PIK3R5: variants seen among roughly 807,000 people sequenced by gnomAD.
The protein encoded by PIK3R5 is phosphoinositide-3-kinase regulatory subunit 5.
PIK3R5 carries 32 observed loss-of-function variants against 94.9 expected under a neutral mutation model. The observed-to-expected ratio is 0.34, with a 90% CI of 0.25 to 0.45. The LOEUF is 0.45. Among genes scored for constraint, PIK3R5 ranks in the 20% least tolerant of loss-of-function variants. PIK3R5 has a pLI of 1.00. For synonymous variants in PIK3R5, 443 were observed against 479.4 expected, an observed-to-expected ratio of 0.92 and a Z score of 0.99; for missense variants, 853 against 1,144.6, an observed-to-expected ratio of 0.75 and a Z score of 3.68.
In PIK3R5 at chr17:8,881,658, T is replaced by C; in HGVS notation, c.2354A>G (p.Asn785Ser). ...LNLTEVVKRQ[N>S]SKSKKGFNQI... ...GTTAAAGCCCTTCTTGGATTTGGAG[T>C]TCTGCCTTTTCACCACTTCTGTCAG... Residue 785 changes from asparagine (N) to serine (S), a missense_variant, in exon 17 of 19, where the codon AAC (asparagine) becomes AGC (serine). Asn to Ser is a conservative substitution (Grantham distance 46). This residue lies in a region of PIK3R5 where 173 missense variants were observed against 274.1 expected (regional missense o/e 0.63). Transcript: ENST00000447110. The surrounding 1 kb of genome is among the most constrained non-coding windows in gnomAD (Gnocchi z 4.8). 1.2e-6 allele frequency: 2 copies of C among 1,613,396 alleles called. No individual in the cohort carries two copies.
intron 1 of PIK3R5, among the ~76,000 whole-genome samples, chr17:8,922,930 A>G (rs2090784650): frequency 6.6e-6 from 1 of 152,112 alleles, no homozygotes; most frequent in South Asian, 2.1e-4. Flanking sequence ...CAGAGGCAAG[A>G]CTGCCCACTT....
At chr17:8,939,488 C>G (rs1185939180) in intron 1 of PIK3R5, among the ~76,000 whole-genome samples, 1 of 152,172 alleles carries the variant, frequency 6.6e-6, no homozygotes, top group Non-Finnish European at 1.5e-5. Flanking sequence ...TTCTCATTAA[C>G]ACATGAAATA....
Position 8,892,343 on chromosome 17 carries a change from G to A in PIK3R5, c.482+1243C>T, listed in dbSNP as rs757044069. ...TTACAACCTTGTAACGAGCCCAGCC[G>A]AGCCCCTGCCCTCACCAGCTTGCAT... On this transcript the variant is annotated intron_variant, in intron 6 of 18. Transcript: ENST00000447110. This position sits in a 1 kb window ranked among gnomAD's most constrained non-coding sequence, Gnocchi z 4.3. Among the ~76,000 whole-genome samples, 5 of 152,080 alleles carry A rather than the reference G, an allele frequency of 3.3e-5. No individual in the cohort carries two copies. The highest frequency in any genetic ancestry group is 5.9e-5 in the Non-Finnish European group (4 of 68,014).
chr17:8,905,141 T>C (rs2090365842), intron 4 of PIK3R5, among the ~76,000 whole-genome samples: 1 of 152,268 alleles, frequency 6.6e-6, no homozygotes, highest in Non-Finnish European at 1.5e-5. Context: ...GGACTTGCTT[T>C]ACCCAATGCT....
Position 8,927,387 on chromosome 17 carries a change from T to C in PIK3R5, c.-13-15880A>G, listed in dbSNP as rs1005764212. On this transcript the variant is annotated intron_variant, in intron 1 of 18. Transcript: ENST00000447110. The stretch of plus-strand genomic sequence containing the variant: ...ATGAGGTTCCCCAAATCCCCTGCCA[T>C]GGCCACTGTCTGAAGAAGCCAAGTA... Among the ~76,000 whole-genome samples the C allele has an allele frequency of 4.6e-5, 7 of 152,190 alleles. No individual in the cohort carries two copies. The East Asian group carries it at 1.2e-3, about 25-fold the overall frequency.
intron 5 of PIK3R5, among the ~76,000 whole-genome samples, chr17:8,902,913 C>T (rs1463528060): frequency 1.3e-5 from 2 of 148,292 alleles, no homozygotes; most frequent in South Asian, 2.1e-4. Context: ...GGTGTGATCT[C>T]GGAGGCACTT....
At chr17:8,954,212 T>C (rs2091428763) in intron 1 of PIK3R5, among the ~76,000 whole-genome samples, 1 of 152,240 alleles carries the variant, frequency 6.6e-6, no homozygotes, top group African/African-American at 2.4e-5. Flanking sequence ...GCTACTTTTG[T>C]GAAAAATGCT....
chr17:8,904,541 C>T lies in PIK3R5; in HGVS notation c.412+236G>A, dbSNP rs948479651. The stretch of plus-strand genomic sequence containing the variant: ...TGCCCTGAGTGCCTGCTCCTACTTC[C>T]CCTAACAATCCCTCCTCGAGTTACC... On this transcript the variant is annotated intron_variant, in intron 5 of 18. Coordinates refer to ENST00000447110, the MANE Select transcript of PIK3R5 (RefSeq NM_001142633.3). This position sits in a 1 kb window ranked among gnomAD's most constrained non-coding sequence, Gnocchi z 5.1. Among the ~76,000 whole-genome samples the T allele has an allele frequency of 1.3e-5, 2 of 152,188 alleles. No individual in the cohort carries two copies. Among genetic ancestry groups the T allele is most frequent in the African/African-American group, 4.8e-5 (2 of 41,442 alleles).
chr17:8,926,122 C>T (rs2090879411), intron 1 of PIK3R5, among the ~76,000 whole-genome samples: 1 of 152,268 alleles, frequency 6.6e-6, no homozygotes, highest in Middle Eastern at 3.4e-3. Context: ...CCAAAACAAG[C>T]ATGTTTCAAG....
chr17:8,891,614 G>A (rs1009800352), intron 6 of PIK3R5, among the ~76,000 whole-genome samples: 1 of 79,416 alleles, frequency 1.3e-5, no homozygotes, highest in Middle Eastern at 8.8e-3. Context: ...TTTTTTTTTT[G>A]AGACGGAGTC....
chr17:8,957,882 C>A (rs2091490480), intron 1 of PIK3R5, among the ~76,000 whole-genome samples: 1 of 152,196 alleles, frequency 6.6e-6, no homozygotes, highest in South Asian at 2.1e-4. Context: ...GCAGCTCATT[C>A]CCCGCTCTAT....
At chr17:8,919,725 C>T (rs542929101) in intron 1 of PIK3R5, among the ~76,000 whole-genome samples, 17 of 152,244 alleles carry the variant, frequency 1.1e-4, no homozygotes, top group African/African-American at 4.1e-4. Context: ...TCTGCAAGAG[C>T]TCAAGGTTAA....
intron 1 of PIK3R5, among the ~76,000 whole-genome samples, chr17:8,924,245 A>AT (rs111503577): frequency 0.036 from 4,962 of 138,104 alleles, 126 homozygotes; most frequent in African/African-American, 0.069. Flanking sequence ...TGCCTGGCTA[A>AT]TTTTTTTTTT....
At position 8,905,751 on chromosome 17, in the gene PIK3R5, GAGA is replaced by G. The variant is rs1567647128; in HGVS notation, c.205-17_205-15del. ...CTTCTCCTGGACCTGTGGAGAGGAG[GAGA>G]AGGGGAATGAGCCTCATTCACGGGG... On this transcript the variant is annotated splice_polypyrimidine_tract_variant and intron_variant, in intron 3 of 18. Transcript: ENST00000447110. 2 of 1,583,946 alleles carry G rather than the reference GAGA, an allele frequency of 1.3e-6. No individual in the cohort carries two copies. The highest frequency in any genetic ancestry group is 2.7e-5 in the African/African-American group (2 of 74,216).
At chr17:8,939,024 C>T (rs932050311) in intron 1 of PIK3R5, among the ~76,000 whole-genome samples, 2 of 152,162 alleles carry the variant, frequency 1.3e-5, no homozygotes, top group Admixed American at 6.5e-5. Flanking sequence ...CTGGTGCCAC[C>T]GCCATCAGCT....
intron 12 of PIK3R5, 84 bp from the exon 13 acceptor site, chr17:8,886,689 G>C: frequency 9.7e-6 from 14 of 1,449,522 alleles, no homozygotes; most frequent in Non-Finnish European, 1.2e-5. Flanking sequence ...GAGGAAGAGA[G>C]AAGAGAGACA....
Position 8,887,552 on chromosome 17 carries a change from G to A in PIK3R5, c.1748C>T (p.Pro583Leu), listed in dbSNP as rs139171448. The change falls in exon 11 of 19, where the codon CCG becomes CTG. Residue 583 changes from proline to leucine, a missense_variant. Transcript: ENST00000447110. ...GCTGGCGTGCCTAGGGGAGTCTGTC[G>A]GGGGTGAGGGCGTCTGGCTCCGAGG... ...PPPRSQTPSP[P>L]TDSPRHASPG... The A allele has an allele frequency of 1.6e-4, 254 of 1,608,074 alleles. 1 individual carries two copies. In the African/African-American group the frequency reaches 2.9e-3, roughly 18 times the overall value.
Position 8,955,134 on chromosome 17 carries a change from G to A in PIK3R5, c.-14+10462C>T, listed in dbSNP as rs780881734. Reference sequence around the variant, plus strand: ...AGAAGACCAGTGATATGTCTGGAGGGTCCTTGAGGGGAGGATGACCGAACC... The same window carrying A: ...AGAAGACCAGTGATATGTCTGGAGGATCCTTGAGGGGAGGATGACCGAACC... On this transcript the variant is annotated intron_variant, in intron 1 of 18. Coordinates refer to ENST00000447110, the MANE Select transcript of PIK3R5 (RefSeq NM_001142633.3). This position sits in a 1 kb window ranked among gnomAD's most constrained non-coding sequence, Gnocchi z 4.4. Among the ~76,000 whole-genome samples, 16 of 152,080 alleles carry A rather than the reference G, an allele frequency of 1.1e-4. No individual in the cohort carries two copies. The highest frequency in any genetic ancestry group is 2.4e-4 in the Non-Finnish European group (16 of 68,028).
chr17:8,959,066 C>T (rs1347156589), intron 1 of PIK3R5, among the ~76,000 whole-genome samples: 1 of 152,038 alleles, frequency 6.6e-6, no homozygotes, highest in Non-Finnish European at 1.5e-5. Flanking sequence ...CCTTCTCTTT[C>T]ACTCTTTAAT....
Sources: allele counts gnomAD v4.1 joint callset (sites outside exome capture counted in the v4.1 genomes callset), GRCh38; gene constraint gnomAD v4.1.1; regional missense constraint gnomAD v4.1.1; non-coding constraint Gnocchi (gnomAD v3.1); transcripts MANE v1.5; gene names NCBI Gene and HGNC (gene_info 2026-07-23, HGNC 2026-07-21).